Variants in FAM124B observed in about 807,000 individuals in gnomAD.
FAM124B encodes the protein protein FAM124B.
FAM124B carries 18 observed loss-of-function variants against 19.7 expected under a neutral mutation model. That is an observed-to-expected ratio of 0.92 (90% CI 0.63 to 1.36). The LOEUF (loss-of-function observed/expected upper bound fraction) is 1.36. Among genes scored for constraint, FAM124B ranks in the 40% most tolerant of loss-of-function variants. The probability of loss-of-function intolerance (pLI) is 0.00; values close to 1 mark genes in which losing one functional copy is unlikely to be tolerated. For synonymous variants in FAM124B, 223 were observed against 225.2 expected, an observed-to-expected ratio of 0.99 and a Z score of 0.09; for missense variants, 540 against 553.3, an observed-to-expected ratio of 0.98 and a Z score of 0.24.
chr2:224,379,594 A>G lies in FAM124B; in HGVS notation c.1347T>C (p.Asp449=), dbSNP rs901494914. 6.5e-7 allele frequency: 1 copy of G among 1,540,918 alleles called. No individual in the cohort carries two copies. Among genetic ancestry groups the G allele is most frequent in the Admixed American group, 2.0e-5 (1 of 48,932 alleles). The stretch of plus-strand genomic sequence containing the variant: ...TATGCTATATAAAGAATTCTTCTTC[A>G]TCTTCTTCTTTTTCTTCACCCTGAA... ...LQVQGEEKEE[D]EEEFFI The change falls in exon 2 of 2, where the codon GAT becomes GAC. Residue 449 remains aspartate, a synonymous_variant. Transcript: ENST00000409685.
At chr2:224,382,405 C>CTTTTTTTTTTTTTTTTTTTT in intron 1 of FAM124B, among the ~76,000 whole-genome samples, 1 of 106,390 alleles carries the variant, frequency 9.4e-6, no homozygotes, top group Non-Finnish European at 1.8e-5. Flanking sequence ...GATTCCCTGT[C>CTTTTTTTTTTTTTTTTTTTT]TTTTTTTTTT....
At chr2:224,381,498 A>G (rs1203795001) in intron 1 of FAM124B, among the ~76,000 whole-genome samples, 2 of 151,242 alleles carry the variant, frequency 1.3e-5, no homozygotes, top group African/African-American at 4.9e-5. Context: ...CTATGAAGAC[A>G]GTAAAAAAAT....
intron 1 of FAM124B, among the ~76,000 whole-genome samples, chr2:224,390,753 T>G (rs1191185525): frequency 1.3e-5 from 2 of 149,784 alleles, no homozygotes. Flanking sequence ...CAGGCTGGAG[T>G]GCAGTGGCGC....
chr2:224,401,936 A>T lies in FAM124B; in HGVS notation c.-168T>A. On this transcript the variant is annotated 5_prime_UTR_variant, in exon 1 of 2. Transcript: ENST00000409685. Reference sequence around the variant, plus strand: ...ACCAGACTAACACGTGCTCCTGGCCACCCGTGGACTTACGGCAAGAGAAGC... The same window carrying T: ...ACCAGACTAACACGTGCTCCTGGCCTCCCGTGGACTTACGGCAAGAGAAGC... 1 of 735,778 alleles carries T rather than the reference A, an allele frequency of 1.4e-6. No homozygotes were observed. The highest frequency in any genetic ancestry group is 2.1e-5 in the South Asian group (1 of 47,152). 45.6% of individuals were successfully genotyped at this position (735,778 alleles called of 1,614,324 possible).
chr2:224,385,442 CT>C (rs1304534022), intron 1 of FAM124B, among the ~76,000 whole-genome samples: 2 of 152,188 alleles, frequency 1.3e-5, no homozygotes, highest in East Asian at 1.9e-4. Context: ...TGTTGTCATT[CT>C]TCAGAGCTGG....
At chr2:224,399,457 A>C (rs936479572) in intron 1 of FAM124B, 2 of 152,372 alleles carry the variant, frequency 1.3e-5, no homozygotes, top group South Asian at 2.1e-4. Flanking sequence ...TGACAACAAA[A>C]TTAACCAAAT....
chr2:224,381,500 TA>T (rs969736791), intron 1 of FAM124B, among the ~76,000 whole-genome samples: 1 of 134,376 alleles, frequency 7.4e-6, no homozygotes, highest in Non-Finnish European at 1.6e-5. Flanking sequence ...ATGAAGACAG[TA>T]AAAAAATCAG....
chr2:224,379,652 T>C lies in FAM124B; in HGVS notation c.1289A>G (p.Lys430Arg). 1 of 1,551,628 alleles carries C rather than the reference T, an allele frequency of 6.4e-7. No homozygotes were observed. The highest frequency in any genetic ancestry group is 8.7e-7 in the Non-Finnish European group (1 of 1,146,938). ...LAGQRDLGTR[K>R]TISECLLHLQ... ...ATGAAGGAGACATTCTGAAATTGTC[T>C]TCCTGGTACCAAGGTCCCTTTGGCC... The change falls in exon 2 of 2, where the codon AAG becomes AGG. Residue 430 changes from lysine to arginine, a missense_variant. Transcript: ENST00000409685.
At chr2:224,398,952 G>A (rs1690019059) in intron 1 of FAM124B, among the ~76,000 whole-genome samples, 2 of 152,216 alleles carry the variant, frequency 1.3e-5, no homozygotes. Context: ...ACTCCAGCCT[G>A]AGCAACAGAG....
rs1167903689 is a variant in FAM124B, at chr2:224,379,943, T to A, written c.998A>T (p.His333Leu). ...VSSPAMGAHL[H>L]LSSHHLESGA... Reference sequence around the variant, plus strand: ...GGATTCAAGGTGATGAGAAGACAGGTGCAGGTGGGCACCCATAGCTGGGCT... The same window carrying A: ...GGATTCAAGGTGATGAGAAGACAGGAGCAGGTGGGCACCCATAGCTGGGCT... The change falls in exon 2 of 2, where the codon CAC becomes CTC. Residue 333 changes from histidine to leucine, a missense_variant. Transcript: ENST00000409685. The A allele has an allele frequency of 1.3e-6, 2 of 1,551,782 alleles. No homozygotes were observed. Among genetic ancestry groups the A allele is most frequent in the Admixed American group, 3.9e-5 (2 of 51,004 alleles).
chr2:224,401,486 G>A lies in FAM124B; in HGVS notation c.283C>T (p.Gln95Ter), dbSNP rs763621415. The change falls in exon 1 of 2, where the codon CAG (glutamine) becomes TAG (stop). Residue 95 changes from glutamine to a stop codon, truncating the protein, a stop_gained. Coordinates refer to ENST00000409685, the MANE Select transcript of FAM124B (RefSeq NM_001122779.2). LOFTEE classifies it high-confidence loss of function. ...CGAGTGTCCTGGGTGGGGTAGCACT[G>A]CCATGGCGAATGCTGGAGAGAGTCC... ...VLDSLQHSPW[Q>*]CYPTQDTRGR... is the part of the protein sequence containing the mutation. 5 of 1,614,154 alleles carry A rather than the reference G, an allele frequency of 3.1e-6. No individual in the cohort carries two copies. In the East Asian group the frequency reaches 8.9e-5, roughly 29 times the overall value.
At chr2:224,380,242 T>C in intron 1 of FAM124B, 34 bp from the exon 2 acceptor site, 2 of 1,492,426 alleles carry the variant, frequency 1.3e-6, no homozygotes, top group Non-Finnish European at 1.8e-6. Context: ...ATATGAAACA[T>C]AATTTCCATT....
chr2:224,390,923 G>T (rs1468101429), intron 1 of FAM124B, among the ~76,000 whole-genome samples: 4 of 150,992 alleles, frequency 2.6e-5, no homozygotes, highest in Admixed American at 1.3e-4. Context: ...CAGGATGGTC[G>T]CGATCTCCTG....
At position 224,401,430 on chromosome 2, in the gene FAM124B, A is replaced by C. The variant is rs751266993; in HGVS notation, c.339T>G (p.Asn113Lys). Residue 113 changes from asparagine (N) to lysine (K), a missense_variant, in exon 1 of 2, where the codon AAT becomes AAG. Asn to Lys is a moderately conservative substitution (Grantham distance 94). Transcript: ENST00000409685. ...RGRLCPYFFANQEFYSLDSQL... is the reference protein window; with the variant it reads ...RGRLCPYFFAKQEFYSLDSQL... ...GACTGTCCAGGCTGTAGAACTCCTG[A>C]TTGGCAAAAAAGTAGGGACACAGCC... The C allele has an allele frequency of 1.9e-6, 3 of 1,613,992 alleles. No homozygotes were observed. Among genetic ancestry groups the C allele is most frequent in the Non-Finnish European group, 2.5e-6 (3 of 1,179,976 alleles).
At chr2:224,383,917 T>C (rs565557346) in intron 1 of FAM124B, among the ~76,000 whole-genome samples, 7 of 152,388 alleles carry the variant, frequency 4.6e-5, no homozygotes, top group African/African-American at 1.4e-4. Flanking sequence ...TCAGGGTTGA[T>C]ATTAGATTAT....
chr2:224,394,877 C>T (rs1462455177), intron 1 of FAM124B, among the ~76,000 whole-genome samples: 1 of 152,158 alleles, frequency 6.6e-6, no homozygotes, highest in Non-Finnish European at 1.5e-5. Context: ...CTGCAGGCTG[C>T]CTGGTACTGC....
At chr2:224,392,806 G>C (rs1689909672) in intron 1 of FAM124B, among the ~76,000 whole-genome samples, 1 of 144,728 alleles carries the variant, frequency 6.9e-6, no homozygotes, top group Non-Finnish European at 1.5e-5. Context: ...TCACCAACGA[G>C]GCTATACACA....
At position 224,379,811 on chromosome 2, in the gene FAM124B, G is replaced by T. The variant is rs773775840; in HGVS notation, c.1130C>A (p.Thr377Asn). The change falls in exon 2 of 2, where the codon ACT (threonine) becomes AAT (asparagine). Residue 377 changes from threonine to asparagine, a missense_variant. Transcript: ENST00000409685. ...LTIINSEPRQ[T>N]YFGGFPRDLQ... Reference sequence around the variant, plus strand: ...ATCCCTTGGAAATCCGCCAAAATAAGTCTGCCTGGGTTCAGAATTTATGAT... The same window carrying T: ...ATCCCTTGGAAATCCGCCAAAATAATTCTGCCTGGGTTCAGAATTTATGAT... The T allele has an allele frequency of 3.9e-6, 6 of 1,551,768 alleles. No homozygotes were observed. Among genetic ancestry groups the T allele is most frequent in the South Asian group, 2.4e-5 (2 of 84,062 alleles).
chr2:224,387,949 A>G (rs1337097267), intron 1 of FAM124B, among the ~76,000 whole-genome samples: 4 of 152,248 alleles, frequency 2.6e-5, no homozygotes, highest in Non-Finnish European at 5.9e-5. Flanking sequence ...TGATAAAACA[A>G]AATGAAACAC....
Sources: gnomAD v4.1 joint callset for allele counts (sites outside exome capture counted in the v4.1 genomes callset) on GRCh38, gnomAD v4.1.1 for gene constraint, MANE v1.5 for transcripts, NCBI Gene and HGNC (gene_info 2026-07-23, HGNC 2026-07-21) for gene names.